Variants in SORCS1 observed in about 807,000 individuals in gnomAD.
SORCS1 encodes the protein VPS10 domain-containing receptor SorCS1.
Under a neutral mutation model 146.1 loss-of-function variants are expected in SORCS1, and 60 were observed. That is an observed-to-expected ratio of 0.41 (90% CI 0.33 to 0.51). The LOEUF (loss-of-function observed/expected upper bound fraction) is 0.51. Among genes scored for constraint, SORCS1 ranks in the 20% least tolerant of loss-of-function variants. The pLI is 0.21. For synonymous variants in SORCS1, 637 were observed against 584.0 expected, an observed-to-expected ratio of 1.09 and a Z score of -1.31; for missense variants, 1,352 against 1,487.6, an observed-to-expected ratio of 0.91 and a Z score of 1.50.
intron 19 of SORCS1, among the ~76,000 whole-genome samples, chr10:106,624,540 T>C (rs896266365): frequency 6.6e-6 from 1 of 151,626 alleles, no homozygotes; most frequent in Non-Finnish European, 1.5e-5. Context: ...TCTGTATTTT[T>C]AGTAGAGACA....
intron 23 of SORCS1, among the ~76,000 whole-genome samples, chr10:106,601,861 C>T (rs1462784402): frequency 6.6e-6 from 1 of 152,200 alleles, no homozygotes; most frequent in Non-Finnish European, 1.5e-5. Flanking sequence ...CATATCACTT[C>T]TGCTCCCACA....
chr10:107,119,693 G>C (rs1966272250), intron 1 of SORCS1, among the ~76,000 whole-genome samples: 1 of 152,140 alleles, frequency 6.6e-6, no homozygotes, highest in South Asian at 2.1e-4. Context: ...AATCCACAGA[G>C]AGATTAACCT....
chr10:106,829,545 G>A, intron 3 of SORCS1, 29 bp downstream of exon 3: 1 of 1,498,542 alleles, frequency 6.7e-7, no homozygotes, highest in Non-Finnish European at 9.2e-7. Context: ...CATCATGAAT[G>A]AGTAGCATGC....
chr10:107,081,851 A>G (rs1351610510), intron 1 of SORCS1, among the ~76,000 whole-genome samples: 2 of 152,262 alleles, frequency 1.3e-5, no homozygotes, highest in Non-Finnish European at 2.9e-5. Flanking sequence ...AAGAATTCAC[A>G]AAGGAAACCA....
the SORCS1 span, among the ~76,000 whole-genome samples, chr10:107,177,510 A>G: frequency 9.2e-5 from 14 of 152,330 alleles, no homozygotes; most frequent in African/African-American, 2.9e-4. Flanking sequence ...TAATAATTGC[A>G]TATATTTATA....
intron 1 of SORCS1, among the ~76,000 whole-genome samples, chr10:106,968,452 C>A (rs1406342578): frequency 6.6e-6 from 1 of 152,308 alleles, no homozygotes; most frequent in African/African-American, 2.4e-5. Flanking sequence ...TATTAAGCAG[C>A]AAACTGTGTG....
At chr10:107,180,671 G>A in the SORCS1 span, among the ~76,000 whole-genome samples, 2 of 151,930 alleles carry the variant, frequency 1.3e-5, no homozygotes, top group African/African-American at 2.4e-5. Flanking sequence ...TTCTTACTTT[G>A]AGTTTATTTT....
At chr10:106,978,245 T>C (rs1376048122) in intron 1 of SORCS1, among the ~76,000 whole-genome samples, 1 of 152,142 alleles carries the variant, frequency 6.6e-6, no homozygotes, top group East Asian at 1.9e-4. Flanking sequence ...ATGCCTGGCC[T>C]GTGGTTAATC....
At chr10:106,680,591 CTCAT>C (rs771319954) in intron 10 of SORCS1, among the ~76,000 whole-genome samples, 222 of 152,142 alleles carry the variant, frequency 1.5e-3, no homozygotes, top group Non-Finnish European at 1.8e-3. Context: ...GTGCAGAAAC[CTCAT>C]TCAAATTATC....
intron 1 of SORCS1, among the ~76,000 whole-genome samples, chr10:106,999,656 C>T (rs904294717): frequency 6.6e-6 from 1 of 152,178 alleles, no homozygotes; most frequent in Non-Finnish European, 1.5e-5. Flanking sequence ...AAGCTTGGCT[C>T]TGGCAAACAA....
intron 1 of SORCS1, among the ~76,000 whole-genome samples, chr10:107,127,707 A>G (rs1189698227): frequency 6.6e-6 from 1 of 152,162 alleles, no homozygotes; most frequent in Non-Finnish European, 1.5e-5. Context: ...TCATGCTCAA[A>G]GGCTGCCTTT....
At chr10:106,842,703 G>A (rs901753910) in intron 2 of SORCS1, among the ~76,000 whole-genome samples, 12 of 152,096 alleles carry the variant, frequency 7.9e-5, no homozygotes, top group Admixed American at 1.3e-4. Context: ...TACAACCTCC[G>A]CCTCCCAGTT....
At chr10:107,126,625 G>A (rs1229284530) in intron 1 of SORCS1, among the ~76,000 whole-genome samples, 1 of 152,068 alleles carries the variant, frequency 6.6e-6, no homozygotes, top group African/African-American at 2.4e-5. Flanking sequence ...CTGCATATTT[G>A]TGGAGAGTCT....
At chr10:106,661,734 G>A (rs1242970884) in intron 17 of SORCS1, among the ~76,000 whole-genome samples, 1 of 152,226 alleles carries the variant, frequency 6.6e-6, no homozygotes, top group Non-Finnish European at 1.5e-5. Context: ...AAACATAACA[G>A]TAAATGGCAG....
Position 106,776,592 on chromosome 10 carries a change from C to G in SORCS1, c.827G>C (p.Ser276Thr). Residue 276 changes from serine to threonine, a missense_variant, in exon 4 of 26, where the codon AGC (serine) becomes ACC (threonine). By Grantham distance (58) the Ser-to-Thr change is moderately conservative. This residue lies in a region of SORCS1 where 490 missense variants were observed against 489.1 expected (regional missense o/e 1.00). Coordinates refer to ENST00000263054, the MANE Select transcript of SORCS1 (RefSeq NM_052918.5). ...QKYRLNFYIQ[S>T]LLFHPKQEDW... ...TTCTTGTTTGGGGTGAAAAAGCAAGCTTTGAATGTAGAAGTTCAGCCGGTA... is the reference window on the plus strand; with the variant it reads ...TTCTTGTTTGGGGTGAAAAAGCAAGGTTTGAATGTAGAAGTTCAGCCGGTA... 1 of 1,614,026 alleles carries G rather than the reference C, an allele frequency of 6.2e-7. No individual in the cohort carries two copies. The highest frequency in any genetic ancestry group is 1.1e-5 in the South Asian group (1 of 91,066).
intron 6 of SORCS1, among the ~76,000 whole-genome samples, chr10:106,719,423 T>C (rs1037953132): frequency 4.6e-5 from 7 of 151,552 alleles, no homozygotes; most frequent in East Asian, 3.9e-4. Flanking sequence ...TCTTTCTTTT[T>C]TTTTTTTTTT....
At chr10:106,970,255 G>C (rs1336192709) in intron 1 of SORCS1, 1 of 149,770 alleles carries the variant, frequency 6.7e-6, no homozygotes, top group Non-Finnish European at 1.5e-5. Flanking sequence ...AGGTACTATT[G>C]TCATTGTTCA....
intron 3 of SORCS1, among the ~76,000 whole-genome samples, chr10:106,827,657 A>G (rs1439437309): frequency 6.6e-6 from 1 of 152,220 alleles, no homozygotes; most frequent in East Asian, 1.9e-4. Context: ...AATAAAAGAT[A>G]TAAGTTCAGT....
At chr10:106,992,831 T>G in intron 1 of SORCS1, among the ~76,000 whole-genome samples, 1 of 132,850 alleles carries the variant, frequency 7.5e-6, no homozygotes, top group East Asian at 2.1e-4. Flanking sequence ...TCTTTCTTTT[T>G]TTTTTTTTTT....
Sources: allele counts gnomAD v4.1 joint callset (sites outside exome capture counted in the v4.1 genomes callset), GRCh38; gene constraint gnomAD v4.1.1; regional missense constraint gnomAD v4.1.1; transcripts MANE v1.5; gene names NCBI Gene and HGNC (gene_info 2026-07-23, HGNC 2026-07-21).